The following TENM2 variants were observed in gnomAD, a reference collection of about 807,000 sequenced individuals.
The protein encoded by TENM2 is teneurin transmembrane protein 2.
Under a neutral mutation model 245.2 loss-of-function variants are expected in TENM2, and 52 were observed. The observed-to-expected ratio is 0.21, with a 90% CI of 0.17 to 0.27. The LOEUF (loss-of-function observed/expected upper bound fraction) is 0.27, where lower values mean the gene tolerates loss of function less well. Ranked by LOEUF, TENM2 falls within the 10% of genes least tolerant of loss-of-function variation. The probability of loss-of-function intolerance (pLI) is 1.00; values close to 1 mark genes in which losing one functional copy is unlikely to be tolerated. For synonymous variants in TENM2, 1,363 were observed against 1,438.9 expected (o/e 0.95, Z 1.19); for missense variants, 3,046 against 3,666.8 (o/e 0.83, Z 4.37).
intron 4 of TENM2, among the ~76,000 whole-genome samples, chr5:167,962,433 C>G (rs557468017): frequency 6.6e-6 from 1 of 152,328 alleles, no homozygotes; most frequent in East Asian, 1.9e-4. Context: ...TGAAACTCCA[C>G]TCATGGAACT....
chr5:167,874,502 C>T (rs778232580), intron 2 of TENM2, among the ~76,000 whole-genome samples: 1 of 152,156 alleles, frequency 6.6e-6, no homozygotes, highest in Non-Finnish European at 1.5e-5. Context: ...GTCTCAGGTA[C>T]TTCTTACTTG....
chr5:167,231,331 G>A, the TENM2 span, among the ~76,000 whole-genome samples: 9 of 152,316 alleles, frequency 5.9e-5, no homozygotes, highest in South Asian at 1.7e-3. Context: ...TTGGAACTTC[G>A]TAGAGACTTG....
At chr5:167,088,658 A>C in the TENM2 span, among the ~76,000 whole-genome samples, 5 of 151,700 alleles carry the variant, frequency 3.3e-5, no homozygotes, top group African/African-American at 1.2e-4. Flanking sequence ...AGAAAAAAAA[A>C]CAGTTAGAAA....
At chr5:167,786,231 G>T (rs1385891265) in intron 2 of TENM2, among the ~76,000 whole-genome samples, 2 of 152,122 alleles carry the variant, frequency 1.3e-5, no homozygotes, top group Non-Finnish European at 2.9e-5. Context: ...TATTAGACAG[G>T]ATTCTCTCTC....
the TENM2 span, among the ~76,000 whole-genome samples, chr5:167,023,383 A>C: frequency 1.1e-4 from 16 of 152,214 alleles, no homozygotes; most frequent in African/African-American, 3.6e-4. Flanking sequence ...CACAGATGAG[A>C]AAGTCATACC....
At chr5:167,775,750 A>G (rs987334653) in intron 2 of TENM2, among the ~76,000 whole-genome samples, 1 of 152,198 alleles carries the variant, frequency 6.6e-6, no homozygotes, top group Non-Finnish European at 1.5e-5. Context: ...ACAGGCATAT[A>G]CAAGTGAATA....
chr5:167,468,296 T>TCTA (rs1766801532), intron 2 of TENM2, among the ~76,000 whole-genome samples: 1 of 152,184 alleles, frequency 6.6e-6, no homozygotes, highest in East Asian at 1.9e-4. Flanking sequence ...AAACAGAACT[T>TCTA]CTAGGAATTC....
intron 8 of TENM2, among the ~76,000 whole-genome samples, chr5:168,097,488 A>G (rs1793463809): frequency 6.6e-6 from 1 of 152,036 alleles, no homozygotes; most frequent in Admixed American, 6.6e-5. Flanking sequence ...GCAATGGCGC[A>G]ATCTCAGCTC....
At position 167,502,012 on chromosome 5, in the gene TENM2, C is replaced by CAA. The variant is rs34421510; in HGVS notation, c.502+126549_502+126550dup. On this transcript the variant is annotated intron_variant, in intron 2 of 28. Coordinates refer to ENST00000518659, the Ensembl canonical transcript of TENM2. ...ACTTGGAAGTAAAAATGAAAAATAA[C>CAA]AAAAAAAAAAAGGTACTAGGTCATG... 6.0e-3 allele frequency among the ~76,000 whole-genome samples: 856 copies of CAA among 142,636 alleles called. 7 individuals are homozygous for CAA. Among genetic ancestry groups the CAA allele is most frequent in the African/African-American group, 0.021 (813 of 39,094 alleles). The allele number at this position is 142,636 out of a possible 152,430, so 93.6% of individuals were successfully genotyped here.
intron 4 of TENM2, among the ~76,000 whole-genome samples, chr5:167,970,494 T>C (rs564894675): frequency 6.6e-6 from 1 of 152,322 alleles, no homozygotes; most frequent in South Asian, 2.1e-4. Context: ...CTCTTGGAAA[T>C]GGCTGGAGAA....
At chr5:167,472,891 C>G (rs1196197255) in intron 2 of TENM2, among the ~76,000 whole-genome samples, 2 of 152,170 alleles carry the variant, frequency 1.3e-5, no homozygotes, top group Non-Finnish European at 2.9e-5. Context: ...CTTAGGAATA[C>G]ATAAGCCCCT....
chr5:167,806,608 CT>C (rs1332857440), intron 2 of TENM2, among the ~76,000 whole-genome samples: 1 of 152,076 alleles, frequency 6.6e-6, no homozygotes, highest in East Asian at 1.9e-4. Context: ...AAAGAAGATT[CT>C]TTTCCTACAG....
At chr5:167,142,985 C>A in the TENM2 span, among the ~76,000 whole-genome samples, 5 of 152,202 alleles carry the variant, frequency 3.3e-5, no homozygotes, top group African/African-American at 1.2e-4. Flanking sequence ...TGTTTTCTAT[C>A]TCTACAATGT....
the TENM2 span, among the ~76,000 whole-genome samples, chr5:167,176,235 A>G: frequency 1.3e-5 from 2 of 152,158 alleles, no homozygotes; most frequent in South Asian, 4.1e-4. Flanking sequence ...TTATTTCTGA[A>G]TGCGTCTTTT....
intron 3 of TENM2, among the ~76,000 whole-genome samples, chr5:167,917,727 A>G (rs1168190468): frequency 6.6e-6 from 1 of 152,162 alleles, no homozygotes; most frequent in Non-Finnish European, 1.5e-5. Context: ...AGTTGGAGTG[A>G]ATCAAGAAGC....
At chr5:167,591,823 A>C (rs1381261548) in intron 2 of TENM2, among the ~76,000 whole-genome samples, 2 of 152,242 alleles carry the variant, frequency 1.3e-5, no homozygotes, top group East Asian at 3.8e-4. Flanking sequence ...AATCATTGAC[A>C]AGAAAAGTTA....
chr5:167,016,912 G>A, the TENM2 span, among the ~76,000 whole-genome samples: 1 of 152,306 alleles, frequency 6.6e-6, no homozygotes, highest in South Asian at 2.1e-4. Context: ...AAGAATTATC[G>A]AAGAAACCTC....
intron 1 of TENM2, among the ~76,000 whole-genome samples, chr5:167,311,739 A>G (rs1756045237): frequency 6.6e-6 from 1 of 152,210 alleles, no homozygotes; most frequent in African/African-American, 2.4e-5. Context: ...AGGTTTTGAT[A>G]TAGGTATAAA....
the TENM2 span, among the ~76,000 whole-genome samples, chr5:167,262,720 G>A: frequency 6.6e-6 from 1 of 152,090 alleles, no homozygotes; most frequent in Non-Finnish European, 1.5e-5. Flanking sequence ...ATGCAAGACT[G>A]GCTCCCCTCA....
Sources: allele counts gnomAD v4.1 joint callset (sites outside exome capture counted in the v4.1 genomes callset), GRCh38; gene constraint gnomAD v4.1.1; transcripts MANE v1.5; gene names NCBI Gene and HGNC (gene_info 2026-07-23, HGNC 2026-07-21).